Variants in TBC1D24 observed in about 807,000 individuals in gnomAD.
TBC1D24 encodes the protein Infantile myoclonic epilepsy.
Under a neutral mutation model 50.7 loss-of-function variants are expected in TBC1D24, and 47 were observed. The observed-to-expected ratio is 0.93, with a 90% CI of 0.73 to 1.18. The LOEUF is 1.18. TBC1D24 is among the 50% of genes most tolerant of loss of function. TBC1D24 has a pLI of 0.00. For missense variants in TBC1D24, 688 were observed against 766.5 expected (o/e 0.90, Z 1.21); for synonymous variants, 324 against 335.2 (o/e 0.97, Z 0.36).
intron 1 of TBC1D24, chr16:2,479,447 C>T (rs1472130784): frequency 1.3e-5 from 2 of 152,262 alleles, no homozygotes; most frequent in Non-Finnish European, 2.9e-5. Context: ...TCAGGGGCAC[C>T]TCACTCTCCT....
Position 2,500,198 on chromosome 16 carries a change from G to T in TBC1D24, c.1303-70G>T, listed in dbSNP as rs1398168026. ...GGGTGCAGATTCACGGGATGAAACGGGTTGTGGCTCTGGGGCAGAGGGGCC... is the reference window on the plus strand; with the variant it reads ...GGGTGCAGATTCACGGGATGAAACGTGTTGTGGCTCTGGGGCAGAGGGGCC... On this transcript the variant is annotated intron_variant, in intron 6 of 7. Transcript: ENST00000646147. This position sits in a 1 kb window ranked among gnomAD's most constrained non-coding sequence, Gnocchi z 8.0. 1 of 1,412,460 alleles carries T rather than the reference G, an allele frequency of 7.1e-7. No individual in the cohort carries two copies. The highest frequency in any genetic ancestry group is 9.8e-7 in the Non-Finnish European group (1 of 1,022,674). The allele number at this position is 1,412,460 out of a possible 1,614,324, so 87.5% of individuals were successfully genotyped here.
chr16:2,478,192 T>G (rs1395431963), intron 1 of TBC1D24: 1 of 152,444 alleles, frequency 6.6e-6, no homozygotes, highest in Non-Finnish European at 1.5e-5. Context: ...GGCTCACACC[T>G]GCAAGCCCAG....
Position 2,502,249 on chromosome 16 carries a change from C to T in TBC1D24, c.*1291C>T. 1 of 152,552 alleles carries T rather than the reference C, an allele frequency of 6.6e-6. No homozygotes were observed. The highest frequency in any genetic ancestry group is 1.5e-5 in the Non-Finnish European group (1 of 68,176). The allele number at this position is 152,552 out of a possible 1,614,324, so 9.4% of individuals were successfully genotyped here. ...CCTTGCCTCTGGGCACTATAGGGGG[C>T]AGCCCCCTGCCTTGTGACCTCCCTC... On this transcript the variant is annotated 3_prime_UTR_variant, in exon 8 of 8. Transcript: ENST00000646147.
chr16:2,500,314 C>T lies in TBC1D24; in HGVS notation c.1349C>T (p.Pro450Leu). 1.9e-6 allele frequency: 3 copies of T among 1,610,936 alleles called. No homozygotes were observed. Among genetic ancestry groups the T allele is most frequent in the Non-Finnish European group, 2.5e-6 (3 of 1,179,214 alleles). ...TACGAGTGGGTGGTGATCAAGCACC[C>T]CGAGCTGACCAAGCCCCCACCCTTG... ...QRYEWVVIKHPELTKPPPLMA... is the reference protein window; with the variant it reads ...QRYEWVVIKHLELTKPPPLMA... Residue 450 changes from proline (P) to leucine (L), a missense_variant, in exon 7 of 8, where the codon CCC (proline) becomes CTC (leucine). Pro to Leu is a moderately conservative substitution (Grantham distance 98). Coordinates refer to ENST00000646147, the MANE Select transcript of TBC1D24 (RefSeq NM_001199107.2). This position sits in a 1 kb window ranked among gnomAD's most constrained non-coding sequence, Gnocchi z 8.0.
intron 2 of TBC1D24, 24 bp downstream of exon 2, chr16:2,497,137 G>T (rs2065750567): frequency 6.3e-7 from 1 of 1,599,118 alleles, no homozygotes; most frequent in African/African-American, 1.3e-5. Context: ...AGCCTGTGAG[G>T]GGTACACCCA....
chr16:2,489,210 T>G (rs1176113703), intron 1 of TBC1D24, among the ~76,000 whole-genome samples: 4 of 151,754 alleles, frequency 2.6e-5, no homozygotes, highest in Non-Finnish European at 5.9e-5. Context: ...GGCGGGCGGA[T>G]CACGAGGTCA....
intron 1 of TBC1D24, among the ~76,000 whole-genome samples, chr16:2,476,361 G>A (rs1333146449): frequency 2.6e-5 from 4 of 152,218 alleles, no homozygotes; most frequent in Non-Finnish European, 4.4e-5. Flanking sequence ...CAGTTGCGGC[G>A]AAGACAAGCA....
intron 1 of TBC1D24, among the ~76,000 whole-genome samples, chr16:2,495,800 A>G (rs2065731875): frequency 1.3e-5 from 2 of 151,948 alleles, no homozygotes; most frequent in South Asian, 2.1e-4. Flanking sequence ...TTAACTGGGC[A>G]TGGTGGTGGA....
intron 1 of TBC1D24, among the ~76,000 whole-genome samples, chr16:2,491,833 A>G (rs2065697660): frequency 6.7e-6 from 1 of 148,282 alleles, no homozygotes; most frequent in South Asian, 2.1e-4. Flanking sequence ...GATTACAGGC[A>G]TGAGCCACCG....
rs776633433 is a variant in TBC1D24, at chr16:2,496,331, C to T, written c.183C>T (p.Asp61=). ...RGKVYQRLIR[D]IPCRTVTPDA... is the part of the protein sequence containing the mutation. The stretch of plus-strand genomic sequence containing the variant: ...AGGTGTACCAGCGCCTGATCCGGGA[C>T]ATTCCCTGCCGCACGGTCACGCCTG... Residue 61 remains aspartate (D), a synonymous_variant, in exon 2 of 8, where the codon GAC becomes GAT. Transcript: ENST00000646147. 1.2e-6 allele frequency: 2 copies of T among 1,613,634 alleles called. No homozygotes were observed. Among genetic ancestry groups the T allele is most frequent in the South Asian group, 1.1e-5 (1 of 91,084 alleles).
chr16:2,490,502 A>G (rs569584540), intron 1 of TBC1D24, among the ~76,000 whole-genome samples: 40 of 152,324 alleles, frequency 2.6e-4, no homozygotes, highest in African/African-American at 9.6e-4. Context: ...GCACCCTCAC[A>G]GGGCCCTGCT....
At position 2,486,932 on chromosome 16, in the gene TBC1D24, G is replaced by A. The variant is rs1015636714; in HGVS notation, c.-115-9102G>A. Reference sequence around the variant, plus strand: ...GTCCCCTCATCTTCTCCACCCTCCCGGTCTAGACTCTGCCTTCCTTTCTCC... The same window carrying A: ...GTCCCCTCATCTTCTCCACCCTCCCAGTCTAGACTCTGCCTTCCTTTCTCC... On this transcript the variant is annotated intron_variant, in intron 1 of 7. Coordinates refer to ENST00000646147, the MANE Select transcript of TBC1D24 (RefSeq NM_001199107.2). The surrounding 1 kb of genome is among the most constrained non-coding windows in gnomAD (Gnocchi z 5.8). Among the ~76,000 whole-genome samples, 3 of 152,102 alleles carry A rather than the reference G, an allele frequency of 2.0e-5. No homozygotes were observed. The highest frequency in any genetic ancestry group is 2.1e-4 in the South Asian group (1 of 4,824).
chr16:2,491,466 G>C (rs931738403), intron 1 of TBC1D24, among the ~76,000 whole-genome samples: 2 of 151,570 alleles, frequency 1.3e-5, no homozygotes, highest in African/African-American at 4.9e-5. Flanking sequence ...AGGTCCCACT[G>C]CAGCCTTGAC....
intron 1 of TBC1D24, among the ~76,000 whole-genome samples, chr16:2,492,427 G>A (rs1290155811): frequency 6.6e-6 from 1 of 152,136 alleles, no homozygotes; most frequent in Admixed American, 6.5e-5. Context: ...CTGAATCTGG[G>A]GCCAGCCGAG....
Position 2,499,763 on chromosome 16 carries a change from C to T in TBC1D24, c.1207-72C>T, listed in dbSNP as rs1023616020. 3.7e-5 allele frequency: 50 copies of T among 1,343,018 alleles called. 1 individual carries two copies. Among genetic ancestry groups the T allele is most frequent in the Middle Eastern group, 1.8e-4 (1 of 5,520 alleles). 83.2% of individuals were successfully genotyped at this position (1,343,018 alleles called of 1,614,324 possible). A position where few individuals can be genotyped will look rare whatever the true frequency, so the allele number is the denominator to read the frequency against. ...CCCCACCTGTGACCTGGGACAGGCC[C>T]GTCAGTAGTCTGGAGCACAGGGACG... On this transcript the variant is annotated intron_variant, in intron 5 of 7. Coordinates refer to ENST00000646147, the MANE Select transcript of TBC1D24 (RefSeq NM_001199107.2). This position sits in a 1 kb window ranked among gnomAD's most constrained non-coding sequence, Gnocchi z 4.0.
chr16:2,503,331 A>C lies in TBC1D24; in HGVS notation c.*2373A>C, dbSNP rs779421075. ...GATTATTATCTTTTTTATTCTTATC[A>C]CTGTACTTGTTAGTATCTGATATTA... On this transcript the variant is annotated 3_prime_UTR_variant, in exon 8 of 8. Transcript: ENST00000646147. The C allele has an allele frequency of 1.3e-5, 2 of 152,014 alleles. No individual in the cohort carries two copies. Among genetic ancestry groups the C allele is most frequent in the Non-Finnish European group, 2.9e-5 (2 of 67,998 alleles). The allele number at this position is 152,014 out of a possible 1,614,324, so 9.4% of individuals were successfully genotyped here. A position where few individuals can be genotyped will look rare whatever the true frequency, so the allele number is the denominator to read the frequency against.
chr16:2,487,066 G>C lies in TBC1D24; in HGVS notation c.-115-8968G>C, dbSNP rs765694718. Among the ~76,000 whole-genome samples the C allele has an allele frequency of 3.9e-5, 6 of 152,220 alleles. No individual in the cohort carries two copies. The highest frequency in any genetic ancestry group is 7.3e-5 in the Non-Finnish European group (5 of 68,038). ...AGACTTTCCTCCTACCCCGTGTGGG[G>C]ACACCCGCCTCTTAGCGCATCCCAG... On this transcript the variant is annotated intron_variant, in intron 1 of 7. Coordinates refer to ENST00000646147, the MANE Select transcript of TBC1D24 (RefSeq NM_001199107.2). This position sits in a 1 kb window ranked among gnomAD's most constrained non-coding sequence, Gnocchi z 4.1.
In TBC1D24 at chr16:2,496,727, G is replaced by A. The variant is rs1394269760; in HGVS notation, c.579G>A (p.Ala193=). Residue 193 remains alanine (A), a synonymous_variant, in exon 2 of 8, where the codon GCG becomes GCA. Coordinates refer to ENST00000646147, the MANE Select transcript of TBC1D24 (RefSeq NM_001199107.2). ...ACCTGGTGAACAAGTACTGCCAGGC[G>A]GCCCACAAGCTGATGGTGGCCGTGT... The part of the protein sequence containing the change: ...FGDLVNKYCQ[A]AHKLMVAVSE... The A allele has an allele frequency of 1.2e-5, 20 of 1,613,656 alleles. No individual in the cohort carries two copies. Among genetic ancestry groups the A allele is most frequent in the East Asian group, 2.2e-5 (1 of 44,902 alleles).
In TBC1D24 at chr16:2,498,387, G is replaced by A; in HGVS notation, c.1133G>A (p.Ser378Asn). ...TTCTCCTCCCTGCAGCACGGGTACA[G>A]CCTGGCCAGGTAACACCCCAAGGGG... is the stretch of plus-strand genomic sequence containing the variant. ...LLFSSLQHGY[S>N]LARFYFQCEG... The change falls in exon 4 of 8, where the codon AGC becomes AAC. Residue 378 changes from serine (S) to asparagine (N), a missense_variant. By Grantham distance (46) the Ser-to-Asn change is conservative (BLOSUM62 1). Transcript: ENST00000646147. The A allele has an allele frequency of 6.2e-7, 1 of 1,603,374 alleles. No homozygotes were observed. The highest frequency in any genetic ancestry group is 1.1e-5 in the South Asian group (1 of 89,304).
Sources: gnomAD v4.1 joint callset for allele counts (sites outside exome capture counted in the v4.1 genomes callset) on GRCh38, gnomAD v4.1.1 for gene constraint, Gnocchi (gnomAD v3.1) non-coding constraint, MANE v1.5 for transcripts, NCBI Gene and HGNC (gene_info 2026-07-23, HGNC 2026-07-21) for gene names.